The following TMEM266 variants were observed in gnomAD, a reference collection of about 807,000 sequenced individuals.
The protein encoded by TMEM266 is transmembrane protein 266.
TMEM266 carries 33 observed loss-of-function variants against 50.5 expected under a neutral mutation model. The ratio of observed to expected loss-of-function variants is 0.65; its 90% CI spans 0.50 to 0.87. TMEM266 has a LOEUF of 0.87. TMEM266 is among the 40% of genes least tolerant of loss of function. The pLI is 0.00. For missense variants in TMEM266, 655 were observed against 695.1 expected (o/e 0.94, Z 0.65); for synonymous variants, 310 against 292.3 (o/e 1.06, Z -0.62).
intron 10 of TMEM266, among the ~76,000 whole-genome samples, chr15:76,203,192 T>G (rs1333049278): frequency 6.8e-6 from 1 of 147,876 alleles, no homozygotes; most frequent in Non-Finnish European, 1.5e-5. Context: ...CCAGTCCATC[T>G]GAAACTGAGT....
chr15:76,169,724 T>G (rs2038158062), intron 5 of TMEM266, 92 bp from the exon 6 acceptor site: 1 of 1,412,214 alleles, frequency 7.1e-7, no homozygotes, highest in Non-Finnish European at 1.0e-6. Context: ...TTTTACTGAA[T>G]GCAGAAGCAG....
intron 1 of TMEM266, among the ~76,000 whole-genome samples, chr15:76,116,358 A>G (rs2959829): frequency 0.34 from 50,886 of 151,816 alleles, 10,167 homozygotes; most frequent in East Asian, 0.6. Flanking sequence ...GCAGCCTCGC[A>G]GTGGCTTTCT....
chr15:76,191,882 T>A, intron 8 of TMEM266, 86 bp from the exon 9 acceptor site: 461 of 1,125,492 alleles, frequency 4.1e-4, no homozygotes, highest in Non-Finnish European at 5.0e-4. Context: ...CCCGCCCCCA[T>A]GCAGGAGCAA....
intron 8 of TMEM266, among the ~76,000 whole-genome samples, chr15:76,179,019 T>C (rs976421901): frequency 6.6e-6 from 1 of 152,172 alleles, no homozygotes; most frequent in Non-Finnish European, 1.5e-5. Context: ...TTTTCAGACC[T>C]GGTTTGAGAC....
intron 1 of TMEM266, among the ~76,000 whole-genome samples, chr15:76,116,647 C>A (rs185285486): frequency 6.6e-6 from 1 of 152,036 alleles, no homozygotes; most frequent in African/African-American, 2.4e-5. Flanking sequence ...TGAGCTCTTA[C>A]CACCTTTGTC....
At chr15:76,191,289 G>A (rs1014676914) in intron 8 of TMEM266, among the ~76,000 whole-genome samples, 2 of 152,216 alleles carry the variant, frequency 1.3e-5, no homozygotes, top group Non-Finnish European at 2.9e-5. Context: ...ATTCAAATAG[G>A]CTGCCACGCC....
intron 1 of TMEM266, among the ~76,000 whole-genome samples, chr15:76,067,977 G>A (rs990374489): frequency 3.9e-5 from 6 of 152,176 alleles, no homozygotes; most frequent in African/African-American, 7.2e-5. Flanking sequence ...GACAGCACTC[G>A]CAGGTGCTGC....
rs1466194732 is a variant in TMEM266 at position 76,160,156 on chromosome 15, G to A, written c.444G>A (p.Val148=). The A allele has an allele frequency of 2.5e-6, 4 of 1,613,996 alleles. No homozygotes were observed. Among genetic ancestry groups the A allele is most frequent in the Non-Finnish European group, 2.5e-6 (3 of 1,179,952 alleles). Residue 148 remains valine, a synonymous_variant, in exon 5 of 11, where the codon GTG becomes GTA. Coordinates refer to ENST00000388942, the MANE Select transcript of TMEM266 (RefSeq NM_152335.3). The surrounding 1 kb of genome is among the most constrained non-coding windows in gnomAD (Gnocchi z 5.7). The stretch of plus-strand genomic sequence containing the variant: ...GGATCAGCCTGGTCATTCTGTCCGT[G>A]TTCTTCTCAGAGGTAGGTGGAGACT...
At chr15:76,170,968 C>T (rs756410910) in intron 6 of TMEM266, 25 bp from the exon 7 acceptor site, 2 of 1,605,442 alleles carry the variant, frequency 1.2e-6, no homozygotes, top group Non-Finnish European at 1.7e-6. Flanking sequence ...GGGCCCAGGG[C>T]ACTGAAATGG....
At chr15:76,199,220 G>A (rs1028240715) in intron 9 of TMEM266, among the ~76,000 whole-genome samples, 11 of 152,240 alleles carry the variant, frequency 7.2e-5, no homozygotes, top group African/African-American at 2.7e-4. Context: ...TGGAGAAACC[G>A]AGTTCTATTT....
At chr15:76,128,786 C>G (rs2037460913) in intron 1 of TMEM266, among the ~76,000 whole-genome samples, 1 of 152,210 alleles carries the variant, frequency 6.6e-6, no homozygotes, top group South Asian at 2.1e-4. Context: ...CCTCCCTCAT[C>G]TTTGCCCTTG....
At position 76,175,694 on chromosome 15, in the gene TMEM266, G is replaced by A. The variant is rs752614030; in HGVS notation, c.768+20G>A. The stretch of plus-strand genomic sequence containing the variant: ...CAAGGGGTAATGCACTGCCACTTTC[G>A]GCTCTGTCCGTGGTCTTGCTGGGGA... On this transcript the variant is annotated intron_variant, in intron 8 of 10. Coordinates refer to ENST00000388942, the MANE Select transcript of TMEM266 (RefSeq NM_152335.3). 3.8e-6 allele frequency: 6 copies of A among 1,598,916 alleles called. No homozygotes were observed. In the African/African-American group the frequency reaches 4.0e-5, roughly 11 times the overall value.
At position 76,167,438 on chromosome 15, in the gene TMEM266, C is replaced by G. The variant is rs1434536772; in HGVS notation, c.457-2378C>G. On this transcript the variant is annotated intron_variant, in intron 5 of 10. Coordinates refer to ENST00000388942, the MANE Select transcript of TMEM266 (RefSeq NM_152335.3). ...TGAGCCAAGATCGTGCCACTGCACTCTAACCTGGGCGACAGAGTGAGACTG... is the reference window on the plus strand; with the variant it reads ...TGAGCCAAGATCGTGCCACTGCACTGTAACCTGGGCGACAGAGTGAGACTG... Among the ~76,000 whole-genome samples, 93 of 145,078 alleles carry G rather than the reference C, an allele frequency of 6.4e-4. 1 individual carries two copies. The Admixed American group carries it at 6.5e-3, about 10-fold the overall frequency.
At chr15:76,116,931 C>G (rs1017494436) in intron 1 of TMEM266, among the ~76,000 whole-genome samples, 57 of 138,130 alleles carry the variant, frequency 4.1e-4, no homozygotes, top group African/African-American at 1.4e-3. Flanking sequence ...CGGAGTTTCG[C>G]TCTTGTTGCC....
chr15:76,191,854 C>G, intron 8 of TMEM266, 114 bp from the exon 9 acceptor site: 1 of 967,458 alleles, frequency 1.0e-6, no homozygotes, highest in African/African-American at 1.8e-5. Flanking sequence ...GCGGGAGGCT[C>G]AGCCCAGTCC....
chr15:76,088,205 A>T (rs1481618887), intron 1 of TMEM266, among the ~76,000 whole-genome samples: 1 of 152,198 alleles, frequency 6.6e-6, no homozygotes, highest in African/African-American at 2.4e-5. Flanking sequence ...AATATGTAAA[A>T]CATAAGCCTG....
intron 1 of TMEM266, among the ~76,000 whole-genome samples, chr15:76,076,622 G>A (rs1053058071): frequency 1.3e-5 from 2 of 152,086 alleles, no homozygotes; most frequent in African/African-American, 4.8e-5. Context: ...AGGCAGAAAT[G>A]ATACTCACAG....
chr15:76,182,521 G>A (rs983668806), intron 8 of TMEM266, among the ~76,000 whole-genome samples: 1 of 151,930 alleles, frequency 6.6e-6, no homozygotes, highest in Non-Finnish European at 1.5e-5. Context: ...GCGGGTGCCT[G>A]TGGTCCCAGC....
At chr15:76,077,974 T>G (rs1191493879) in intron 1 of TMEM266, among the ~76,000 whole-genome samples, 1 of 151,742 alleles carries the variant, frequency 6.6e-6, no homozygotes, top group Non-Finnish European at 1.5e-5. Flanking sequence ...AAGGTGACCT[T>G]CTTTGTAAGG....
Sources: gnomAD v4.1 joint callset for allele counts (sites outside exome capture counted in the v4.1 genomes callset) on GRCh38, gnomAD v4.1.1 for gene constraint, Gnocchi (gnomAD v3.1) non-coding constraint, MANE v1.5 for transcripts, NCBI Gene and HGNC (gene_info 2026-07-23, HGNC 2026-07-21) for gene names.